PLCB1: variants seen among roughly 807,000 people sequenced by gnomAD.
PLCB1 encodes 1-phosphatidylinositol 4,5-bisphosphate phosphodiesterase beta-1.
PLCB1 carries 46 observed loss-of-function variants against 161.8 expected under a neutral mutation model. That is an observed-to-expected ratio of 0.28 (90% CI 0.22 to 0.36). The LOEUF (loss-of-function observed/expected upper bound fraction) is 0.36, where lower values mean the gene tolerates loss of function less well. Ranked by LOEUF, PLCB1 falls within the 10% of genes least tolerant of loss-of-function variation. The pLI is 1.00. For missense variants in PLCB1, 1,016 were observed against 1,472.5 expected, an observed-to-expected ratio of 0.69 and a Z score of 5.07; for synonymous variants, 517 against 503.7, an observed-to-expected ratio of 1.03 and a Z score of -0.35.
intron 3 of PLCB1, chr20:8,372,103 C>A (rs574007902): frequency 6.6e-6 from 1 of 152,106 alleles, no homozygotes; most frequent in African/African-American, 2.4e-5. Flanking sequence ...TGTTGTCTTG[C>A]CATCAAAGTT....
chr20:8,622,112 T>C (rs1434544596), intron 3 of PLCB1, among the ~76,000 whole-genome samples: 1 of 151,036 alleles, frequency 6.6e-6, no homozygotes, highest in African/African-American at 2.4e-5. Flanking sequence ...ATTTAGGGGG[T>C]GGTTGGTGGC....
At chr20:8,371,802 G>T (rs1264416087) in intron 3 of PLCB1, 1 of 187,360 alleles carries the variant, frequency 5.3e-6, no homozygotes, top group Non-Finnish European at 1.1e-5. Context: ...CTAACCGTTA[G>T]ACATGATGAA....
rs113321116 is a variant in PLCB1 at position 8,414,342 on chromosome 20, G to A, written c.246+42892G>A. On this transcript the variant is annotated intron_variant, in intron 3 of 31. Coordinates refer to ENST00000338037, the MANE Select transcript of PLCB1 (RefSeq NM_015192.4). ...AATTGCCCCACACTATCTTCTACAA[G>A]AAACAAAAACAAAAAACAAACAAAC... is the stretch of plus-strand genomic sequence containing the variant. Among the ~76,000 whole-genome samples the A allele has an allele frequency of 9.6e-3, 1,462 of 152,086 alleles. 26 individuals are homozygous for A. Among genetic ancestry groups the A allele is most frequent in the African/African-American group, 0.034 (1,394 of 41,484 alleles).
chr20:8,817,125 A>G (rs1296778151), intron 31 of PLCB1, among the ~76,000 whole-genome samples: 10 of 152,214 alleles, frequency 6.6e-5, no homozygotes, highest in Non-Finnish European at 1.5e-4. Flanking sequence ...TTGCTGATAT[A>G]ATCTAAGATA....
In PLCB1 at chr20:8,881,889, A is replaced by G. The variant is rs762747601; in HGVS notation, c.*40A>G. ...CCTTCAGAAATTGCATGGCCACTCCAGCGTCATCGGACTCTCTCTTATTAC... is the reference window on the plus strand; with the variant it reads ...CCTTCAGAAATTGCATGGCCACTCCGGCGTCATCGGACTCTCTCTTATTAC... On this transcript the variant is annotated 3_prime_UTR_variant, in exon 32 of 32. Coordinates refer to ENST00000338037, the MANE Select transcript of PLCB1 (RefSeq NM_015192.4). 2.5e-5 allele frequency: 32 copies of G among 1,277,244 alleles called. No individual in the cohort carries two copies. The highest frequency in any genetic ancestry group is 3.3e-5 in the Non-Finnish European group (29 of 875,134). The allele number at this position is 1,277,244 out of a possible 1,614,324, so 79.1% of individuals were successfully genotyped here.
chr20:8,704,276 C>T (rs1453243002), intron 11 of PLCB1, among the ~76,000 whole-genome samples: 2 of 151,918 alleles, frequency 1.3e-5, no homozygotes, highest in African/African-American at 4.8e-5. Flanking sequence ...ATCGCCCAAA[C>T]CAAGGAGGCA....
At chr20:8,190,385 T>C (rs76791077) in intron 2 of PLCB1, among the ~76,000 whole-genome samples, 5,972 of 152,232 alleles carry the variant, frequency 0.039, 336 homozygotes, top group African/African-American at 0.12. Flanking sequence ...TTACACTTTC[T>C]TTATAAACTA....
At chr20:8,696,552 A>G (rs905273933) in intron 10 of PLCB1, among the ~76,000 whole-genome samples, 2 of 152,146 alleles carry the variant, frequency 1.3e-5, no homozygotes, top group Admixed American at 6.5e-5. Flanking sequence ...TGAGATTTTG[A>G]TAAGAATTGA....
At chr20:8,262,837 T>C (rs1015228992) in intron 2 of PLCB1, among the ~76,000 whole-genome samples, 9 of 151,942 alleles carry the variant, frequency 5.9e-5, no homozygotes, top group African/African-American at 2.2e-4. Context: ...TGACCTTCCT[T>C]TTGTTTGTGT....
intron 31 of PLCB1, among the ~76,000 whole-genome samples, chr20:8,867,380 C>T (rs60588775): frequency 2.6e-3 from 400 of 152,338 alleles, no homozygotes; most frequent in African/African-American, 9.4e-3. Context: ...ACCGTCTGCA[C>T]TATTGACCTT....
chr20:8,781,399 CACACACACACACACACAA>C (rs1468955515), intron 27 of PLCB1, among the ~76,000 whole-genome samples: 42 of 83,232 alleles, frequency 5.0e-4, no homozygotes, highest in African/African-American at 1.3e-3. Context: ...CACACACAAA[CACACACACACACACACAA>C]ACACACACAC....
chr20:8,246,383 G>A (rs1037630426), intron 2 of PLCB1, among the ~76,000 whole-genome samples: 6 of 152,016 alleles, frequency 3.9e-5, no homozygotes, highest in East Asian at 3.9e-4. Context: ...GCCATAAAGC[G>A]CTTATCCTCC....
intron 31 of PLCB1, among the ~76,000 whole-genome samples, chr20:8,842,729 G>A (rs1010960625): frequency 1.3e-5 from 2 of 152,090 alleles, no homozygotes; most frequent in Non-Finnish European, 2.9e-5. Context: ...TGCGTGACTG[G>A]GGGCTGCATG....
Position 8,797,154 on chromosome 20 carries a change from T to C in PLCB1, c.3423+6893T>C, listed in dbSNP as rs375712298. Among the ~76,000 whole-genome samples the C allele has an allele frequency of 1.4e-3, 213 of 152,350 alleles. 6 individuals are homozygous for C. In the South Asian group the frequency reaches 0.041, roughly 29 times the overall value. ...CACTGAAGATAAACTTCCACCACCC[T>C]CTAGCATCTATTGCTGTTCTTGAGA... is the stretch of plus-strand genomic sequence containing the variant. On this transcript the variant is annotated intron_variant, in intron 31 of 31. Transcript: ENST00000338037.
intron 3 of PLCB1, among the ~76,000 whole-genome samples, chr20:8,413,258 C>G (rs1979121864): frequency 1.3e-5 from 2 of 152,014 alleles, no homozygotes; most frequent in Admixed American, 1.3e-4. Flanking sequence ...TTTTTCTTGC[C>G]TCAGCCTTAC....
intron 3 of PLCB1, among the ~76,000 whole-genome samples, chr20:8,601,867 T>G (rs1987596477): frequency 6.6e-6 from 1 of 152,220 alleles, no homozygotes; most frequent in South Asian, 2.1e-4. Context: ...TGGTATGATC[T>G]CCCCTTGTTT....
intron 3 of PLCB1, among the ~76,000 whole-genome samples, chr20:8,624,304 C>T (rs998690065): frequency 6.6e-6 from 1 of 152,072 alleles, no homozygotes; most frequent in African/African-American, 2.4e-5. Context: ...AATTAACCTA[C>T]ACAAATCATT....
chr20:8,372,810 A>G (rs1986945914), intron 3 of PLCB1, among the ~76,000 whole-genome samples: 1 of 152,186 alleles, frequency 6.6e-6, no homozygotes, highest in East Asian at 1.9e-4. Flanking sequence ...CAGCTATGAA[A>G]TTTATCTTTG....
Position 8,150,011 on chromosome 20 carries a change from G to A in PLCB1, c.100-283G>A, listed in dbSNP as rs141140026. ...GTTTAGTGTTAAAATTATTTGAAAA[G>A]CTAAATATAGATTTTTAATAGAAAA... On this transcript the variant is annotated intron_variant, in intron 1 of 31. Coordinates refer to ENST00000338037, the MANE Select transcript of PLCB1 (RefSeq NM_015192.4). 4.7e-3 allele frequency among the ~76,000 whole-genome samples: 722 copies of A among 152,088 alleles called. 5 individuals carry two copies. Among genetic ancestry groups the A allele is most frequent in the African/African-American group, 0.017 (698 of 41,522 alleles).
Sources: gnomAD v4.1 joint callset for allele counts (sites outside exome capture counted in the v4.1 genomes callset) on GRCh38, gnomAD v4.1.1 for gene constraint, MANE v1.5 for transcripts, NCBI Gene and HGNC (gene_info 2026-07-23, HGNC 2026-07-21) for gene names.